MYPN: variants seen among roughly 807,000 people sequenced by gnomAD.
MYPN encodes the protein myopalladin.
A neutral mutation model predicts 129.4 loss-of-function variants in MYPN; 63 were observed. The ratio of observed to expected loss-of-function variants is 0.49; its 90% CI spans 0.40 to 0.60. MYPN has a LOEUF of 0.60. MYPN is among the 20% of genes least tolerant of loss of function. The pLI, the probability that MYPN is intolerant of heterozygous loss-of-function variation, is 0.00. For synonymous variants in MYPN, 629 were observed against 600.9 expected, an observed-to-expected ratio of 1.05 and a Z score of -0.68; for missense variants, 1,596 against 1,635.4, an observed-to-expected ratio of 0.98 and a Z score of 0.42.
Position 68,121,836 on chromosome 10 carries a change from A to T in MYPN, c.398A>T (p.Gln133Leu). The T allele has an allele frequency of 1.9e-6, 3 of 1,614,214 alleles. No homozygotes were observed. Among genetic ancestry groups the T allele is most frequent in the Non-Finnish European group, 2.5e-6 (3 of 1,180,026 alleles). The change falls in exon 2 of 20, where the codon CAG becomes CTG. Residue 133 changes from glutamine to leucine, a missense_variant. Coordinates refer to ENST00000358913, the MANE Select transcript of MYPN (RefSeq NM_032578.4). ...RSPTSSKESP[Q>L]EAKRPQYCSE... The stretch of plus-strand genomic sequence containing the variant: ...CCCACCAGCTCTAAAGAAAGCCCCC[A>T]GGAGGCAAAAAGGCCACAGTATTGT...
At chr10:68,203,708 C>G (rs71493811) in intron 18 of MYPN, among the ~76,000 whole-genome samples, 1 of 103,484 alleles carries the variant, frequency 9.7e-6, no homozygotes, top group Non-Finnish European at 2.2e-5. Flanking sequence ...CACACACACA[C>G]ACATACACAC....
intron 1 of MYPN, among the ~76,000 whole-genome samples, chr10:68,094,585 AG>A (rs1437732549): frequency 6.6e-6 from 1 of 152,034 alleles, no homozygotes; most frequent in Non-Finnish European, 1.5e-5. Flanking sequence ...TATTTTACCC[AG>A]CCCCTATTCG....
At position 68,165,737 on chromosome 10, in the gene MYPN, G is replaced by A; in HGVS notation, c.1519G>A (p.Ala507Thr). ...CACCTTGGTCATTGCTGAGGTGTTT[G>A]CAGAAGATTCTGGGTGCTTCACATG... ...ICTLVIAEVF[A>T]EDSGCFTCTA... Residue 507 changes from alanine to threonine, a missense_variant, in exon 9 of 20, where the codon GCA becomes ACA. Transcript: ENST00000358913. The A allele has an allele frequency of 6.2e-7, 1 of 1,614,186 alleles. No homozygotes were observed. The highest frequency in any genetic ancestry group is 8.5e-7 in the Non-Finnish European group (1 of 1,180,016).
intron 12 of MYPN, among the ~76,000 whole-genome samples, chr10:68,182,393 C>CAT (rs1263512786): frequency 3.1e-5 from 3 of 95,488 alleles, no homozygotes; most frequent in Admixed American, 1.3e-4. Context: ...ACATATATAA[C>CAT]ATATATATAA....
At chr10:68,192,216 G>A (rs753637820) in intron 13 of MYPN, among the ~76,000 whole-genome samples, 13 of 152,214 alleles carry the variant, frequency 8.5e-5, no homozygotes, top group Middle Eastern at 3.4e-3. Flanking sequence ...AAGAGGTGCC[G>A]AATTTAATTG....
chr10:68,121,685 A>T lies in MYPN; in HGVS notation c.247A>T (p.Ile83Phe), dbSNP rs538136687. ...DESVNLARLA[I>F]NYDPLEKADE... is the part of the protein sequence containing the mutation. The stretch of plus-strand genomic sequence containing the variant: ...AAGTGTCAATTTGGCAAGACTGGCC[A>T]TCAATTACGACCCTTTGGAGAAGGC... The change falls in exon 2 of 20, where the codon ATC (isoleucine) becomes TTC (phenylalanine). Residue 83 changes from isoleucine (I) to phenylalanine (F), a missense_variant. Transcript: ENST00000358913. The T allele has an allele frequency of 1.2e-5, 19 of 1,614,218 alleles. No homozygotes were observed. Among genetic ancestry groups the T allele is most frequent in the Non-Finnish European group, 1.5e-5 (18 of 1,180,034 alleles).
chr10:68,202,783 G>A lies in MYPN; in HGVS notation c.3659+789G>A, dbSNP rs16913334. Among the ~76,000 whole-genome samples, 1,253 of 151,322 alleles carry A rather than the reference G, an allele frequency of 8.3e-3. 15 individuals are homozygous for A. Among genetic ancestry groups the A allele is most frequent in the Middle Eastern group, 0.045 (13 of 290 alleles). ...TGAGAATTATTTCACCACAGTAAAC[G>A]GAAATTGCCCCAGAGAATGCTGTAG... On this transcript the variant is annotated intron_variant, in intron 18 of 19. Coordinates refer to ENST00000358913, the MANE Select transcript of MYPN (RefSeq NM_032578.4).
At position 68,166,597 on chromosome 10, in the gene MYPN, A is replaced by T; in HGVS notation, c.1904A>T (p.Gln635Leu). The T allele has an allele frequency of 6.2e-7, 1 of 1,614,192 alleles. No homozygotes were observed. The highest frequency in any genetic ancestry group is 8.5e-7 in the Non-Finnish European group (1 of 1,180,016). Residue 635 changes from glutamine (Q) to leucine (L), a missense_variant, in exon 10 of 20, where the codon CAG becomes CTG. Gln to Leu is a moderately radical substitution (Grantham distance 113). Coordinates refer to ENST00000358913, the MANE Select transcript of MYPN (RefSeq NM_032578.4). ...PDSFQERFNG[Q>L]ATKTPEPSSP... ...TCTTTCCAGGAGAGGTTCAACGGAC[A>T]GGCAACAAAAACCCCAGAGCCTTCT...
At chr10:68,132,462 A>G (rs2042425844) in intron 2 of MYPN, among the ~76,000 whole-genome samples, 1 of 152,294 alleles carries the variant, frequency 6.6e-6, no homozygotes, top group Admixed American at 6.5e-5. Context: ...TATTTTTGTC[A>G]GAAGATAATT....
chr10:68,103,517 C>T (rs546358260), upstream of MYPN, among the ~76,000 whole-genome samples: 8 of 152,314 alleles, frequency 5.3e-5, no homozygotes, highest in South Asian at 1.7e-3. Context: ...TTAACAATCC[C>T]ATTGCCCATC....
chr10:68,139,795 C>G (rs1460213108), intron 2 of MYPN, among the ~76,000 whole-genome samples: 2 of 152,138 alleles, frequency 1.3e-5, no homozygotes, highest in Non-Finnish European at 2.9e-5. Flanking sequence ...TTCAACAAAC[C>G]CATCAAACAC....
chr10:68,202,701 G>A (rs118001388), intron 18 of MYPN, among the ~76,000 whole-genome samples: 1,819 of 152,212 alleles, frequency 0.012, 8 homozygotes, highest in Middle Eastern at 0.048. Context: ...TGCCATTTTG[G>A]TTTTATACCA....
intron 4 of MYPN, among the ~76,000 whole-genome samples, chr10:68,146,937 G>C (rs1237458532): frequency 6.6e-6 from 1 of 152,106 alleles, no homozygotes; most frequent in Admixed American, 6.5e-5. Context: ...TTGGATACAC[G>C]GATTGGCTTT....
chr10:68,091,243 G>A (rs941988057), intron 1 of MYPN, among the ~76,000 whole-genome samples: 2 of 151,860 alleles, frequency 1.3e-5, no homozygotes, highest in Admixed American at 6.6e-5. Flanking sequence ...GGAGCAATAG[G>A]GCTCTCTCGG....
intron 6 of MYPN, among the ~76,000 whole-genome samples, chr10:68,157,804 T>C (rs1308749009): frequency 6.8e-6 from 1 of 146,930 alleles, no homozygotes; most frequent in Non-Finnish European, 1.5e-5. Flanking sequence ...ATCACAACAC[T>C]GCACACCAGC....
chr10:68,149,580 T>C (rs1350671479), intron 5 of MYPN, among the ~76,000 whole-genome samples: 1 of 152,204 alleles, frequency 6.6e-6, no homozygotes, highest in African/African-American at 2.4e-5. Flanking sequence ...ATTACAGCTG[T>C]GAGCCACCAT....
intron 1 of MYPN, among the ~76,000 whole-genome samples, chr10:68,116,290 T>A (rs1430879585): frequency 1.5e-5 from 2 of 133,002 alleles, no homozygotes; most frequent in Admixed American, 7.4e-5. Context: ...CTTAAAAAAA[T>A]AATTTTCATA....
chr10:68,143,473 A>G (rs988992007), intron 3 of MYPN, among the ~76,000 whole-genome samples: 3 of 152,196 alleles, frequency 2.0e-5, no homozygotes, highest in African/African-American at 2.4e-5. Flanking sequence ...TACTCTAGGC[A>G]GAAAAATCAG....
chr10:68,129,542 CA>C (rs1263127008), intron 2 of MYPN, among the ~76,000 whole-genome samples: 1 of 152,076 alleles, frequency 6.6e-6, no homozygotes, highest in African/African-American at 2.4e-5. Flanking sequence ...AATGTCATTA[CA>C]AATGTTCTAG....
Sources: allele counts gnomAD v4.1 joint callset (sites outside exome capture counted in the v4.1 genomes callset), GRCh38; gene constraint gnomAD v4.1.1; transcripts MANE v1.5; gene names NCBI Gene and HGNC (gene_info 2026-07-23, HGNC 2026-07-21).